Variants in RABEP1 observed in about 807,000 individuals in gnomAD.
The protein encoded by RABEP1 is rabaptin, RAB GTPase binding effector protein 1.
A neutral mutation model predicts 123.4 loss-of-function variants in RABEP1; 51 were observed. The observed-to-expected ratio is 0.41, with a 90% confidence interval of 0.33 to 0.52. RABEP1 has a LOEUF of 0.52. RABEP1 is among the 20% of genes least tolerant of loss of function. RABEP1 has a pLI of 0.16. For synonymous variants in RABEP1, 347 were observed against 355.2 expected (o/e 0.98, Z 0.26); for missense variants, 888 against 996.3 (o/e 0.89, Z 1.46).
intron 2 of RABEP1, among the ~76,000 whole-genome samples, chr17:5,327,952 A>G (rs1188470377): frequency 6.6e-6 from 1 of 152,224 alleles, no homozygotes; most frequent in Admixed American, 6.5e-5. Context: ...GAGAACGTCT[A>G]TACAGATAAA....
At chr17:5,366,354 G>C (rs1336832394) in intron 11 of RABEP1, among the ~76,000 whole-genome samples, 2 of 152,034 alleles carry the variant, frequency 1.3e-5, no homozygotes, top group South Asian at 4.2e-4. Context: ...ACTTTTTTTG[G>C]TCTTTAAAAA....
intron 2 of RABEP1, among the ~76,000 whole-genome samples, chr17:5,331,027 CTTT>C (rs1187502263): frequency 1.4e-4 from 12 of 87,058 alleles, no homozygotes; most frequent in East Asian, 4.1e-4. Flanking sequence ...TATCTCTTAA[CTTT>C]TTTTTTTTTT....
At position 5,368,375 on chromosome 17, in the gene RABEP1, T is replaced by C; in HGVS notation, c.1791T>C (p.Ser597=). 8 of 1,610,908 alleles carry C rather than the reference T, an allele frequency of 5.0e-6. No homozygotes were observed. Among genetic ancestry groups the C allele is most frequent in the Non-Finnish European group, 6.8e-6 (8 of 1,177,682 alleles). Reference sequence around the variant, plus strand: ...ATACATGTGTTTTTTTAAAGATCTCTGCACTCGTCCTAAGAGCCCAGGCCT... The same window carrying C: ...ATACATGTGTTTTTTTAAAGATCTCCGCACTCGTCCTAAGAGCCCAGGCCT... ...QSSEDSSHQI[S]ALVLRAQASE... The change falls in exon 12 of 18, where the codon TCT becomes TCC. Residue 597 remains serine (S), a synonymous_variant. Coordinates refer to ENST00000537505, the MANE Select transcript of RABEP1 (RefSeq NM_004703.6).
chr17:5,358,370 C>T (rs1909209954), intron 8 of RABEP1, among the ~76,000 whole-genome samples: 1 of 151,818 alleles, frequency 6.6e-6, no homozygotes. Context: ...AGTGTGAGTT[C>T]TTAGGAAAAG....
chr17:5,332,302 GAA>G, intron 3 of RABEP1, 150 bp downstream of exon 3: 3 of 736,444 alleles, frequency 4.1e-6, no homozygotes, highest in Non-Finnish European at 6.5e-6. Flanking sequence ...AGATAAAAGA[GAA>G]GTCACTAATA....
At chr17:5,330,840 T>C (rs1185661693) in intron 2 of RABEP1, among the ~76,000 whole-genome samples, 2 of 151,982 alleles carry the variant, frequency 1.3e-5, no homozygotes, top group Non-Finnish European at 2.9e-5. Flanking sequence ...CTGGGCAGCG[T>C]AGTGAAACTT....
intron 2 of RABEP1, among the ~76,000 whole-genome samples, chr17:5,326,865 A>G (rs1407948257): frequency 1.3e-5 from 2 of 152,206 alleles, no homozygotes; most frequent in Non-Finnish European, 2.9e-5. Context: ...ATTCTCAGAA[A>G]TGCATCGTTT....
intron 1 of RABEP1, among the ~76,000 whole-genome samples, chr17:5,296,882 G>A (rs2075088409): frequency 6.6e-6 from 1 of 152,138 alleles, no homozygotes; most frequent in African/African-American, 2.4e-5. Flanking sequence ...TGGGACTACA[G>A]GTGTGCACCA....
chr17:5,347,247 T>C (rs578223603), intron 6 of RABEP1, among the ~76,000 whole-genome samples: 5 of 152,234 alleles, frequency 3.3e-5, no homozygotes, highest in African/African-American at 1.2e-4. Context: ...CCGTCTCTAC[T>C]GCAAAAACAA....
intron 1 of RABEP1, among the ~76,000 whole-genome samples, chr17:5,286,073 G>A (rs2074974578): frequency 6.6e-6 from 1 of 152,154 alleles, no homozygotes; most frequent in Non-Finnish European, 1.5e-5. Context: ...AATACCTGTT[G>A]CTAGCTTACT....
At position 5,311,721 on chromosome 17, in the gene RABEP1, C is replaced by A. The variant is rs796900174; in HGVS notation, c.163+2899C>A. Among the ~76,000 whole-genome samples, 596 of 81,972 alleles carry A rather than the reference C, an allele frequency of 7.3e-3. 1 individual carries two copies. Among genetic ancestry groups the A allele is most frequent in the African/African-American group, 0.02 (421 of 21,304 alleles). 53.8% of individuals were successfully genotyped at this position (81,972 alleles called of 152,430 possible). ...TCAAAAAAAAAAAAAAAAAAAAAAA[C>A]AGACTAAAAAATAGGAAAATATAAA... On this transcript the variant is annotated intron_variant, in intron 2 of 17. Coordinates refer to ENST00000537505, the MANE Select transcript of RABEP1 (RefSeq NM_004703.6).
intron 12 of RABEP1, among the ~76,000 whole-genome samples, chr17:5,372,390 G>T (rs1910590981): frequency 6.6e-6 from 1 of 152,120 alleles, no homozygotes; most frequent in Non-Finnish European, 1.5e-5. Context: ...GGTGGAGGTT[G>T]CAGTGAGCCG....
At chr17:5,295,426 A>G (rs546940820) in intron 1 of RABEP1, among the ~76,000 whole-genome samples, 1 of 152,112 alleles carries the variant, frequency 6.6e-6, no homozygotes, top group South Asian at 2.1e-4. Context: ...GGTATGTAAC[A>G]ATAGTATTCT....
chr17:5,282,649 GGCGGGGGCGCGCGGGCTGCGGCGC>G (rs1280262089), intron 1 of RABEP1, 129 bp downstream of exon 1: 1 of 555,898 alleles, frequency 1.8e-6, no homozygotes, highest in African/African-American at 2.1e-5. Flanking sequence ...GCCGGGCGGA[GGCGGGGGCGCGCGGGCTGCGGCGC>G]GCGAGGGCGG....
chr17:5,286,046 C>T lies in RABEP1; in HGVS notation c.34+3526C>T, dbSNP rs773423035. ...TGAATTAAATAAAGGGCATGAGTTC[C>T]GAGTGGTTTAAATTTTAATACCTGT... On this transcript the variant is annotated intron_variant, in intron 1 of 17. Transcript: ENST00000537505. Among the ~76,000 whole-genome samples, 6 of 152,108 alleles carry T rather than the reference C, an allele frequency of 3.9e-5. 1 individual carries two copies. Among genetic ancestry groups the T allele is most frequent in the African/African-American group, 9.7e-5 (4 of 41,400 alleles).
intron 2 of RABEP1, among the ~76,000 whole-genome samples, chr17:5,322,532 G>C (rs1905480979): frequency 1.3e-5 from 2 of 151,952 alleles, no homozygotes; most frequent in Admixed American, 6.6e-5. Context: ...TACAATAATA[G>C]AGGACTTTGT....
chr17:5,306,559 C>T (rs948002797), intron 1 of RABEP1, among the ~76,000 whole-genome samples: 1 of 151,000 alleles, frequency 6.6e-6, no homozygotes, highest in Non-Finnish European at 1.5e-5. Context: ...GTCCGGGAGG[C>T]GGAGGTTGCA....
At chr17:5,343,899 C>T (rs1315881106) in intron 5 of RABEP1, among the ~76,000 whole-genome samples, 1 of 151,802 alleles carries the variant, frequency 6.6e-6, no homozygotes, top group African/African-American at 2.4e-5. Context: ...TGGTCTCGAA[C>T]CCCTGACCTC....
At chr17:5,312,838 C>T (rs915168878) in intron 2 of RABEP1, among the ~76,000 whole-genome samples, 3 of 152,090 alleles carry the variant, frequency 2.0e-5, no homozygotes, top group Non-Finnish European at 2.9e-5. Context: ...TAGGCACGGT[C>T]GCACATGCCT....
Sources: allele counts gnomAD v4.1 joint callset (sites outside exome capture counted in the v4.1 genomes callset), GRCh38; gene constraint gnomAD v4.1.1; transcripts MANE v1.5; gene names NCBI Gene and HGNC (gene_info 2026-07-23, HGNC 2026-07-21).